Variants in MYL12B observed in about 807,000 individuals in gnomAD.
MYL12B encodes myosin regulatory light chain 12B.
In MYL12B, 3 loss-of-function variants were observed where a neutral mutation model predicts 12.9. The ratio of observed to expected loss-of-function variants is 0.23; its 90% CI spans 0.11 to 0.60. The LOEUF is 0.60. Among genes scored for constraint, MYL12B ranks in the 20% least tolerant of loss-of-function variants. The pLI, the probability that MYL12B is intolerant of heterozygous loss-of-function variation, is 0.89. For missense variants in MYL12B, 120 were observed against 215.4 expected (o/e 0.56, Z 2.77); for synonymous variants, 57 against 71.9 (o/e 0.79, Z 1.05).
chr18:3,270,006 A>G (rs1296964821), intron 1 of MYL12B, among the ~76,000 whole-genome samples: 1 of 152,196 alleles, frequency 6.6e-6, no homozygotes, highest in Non-Finnish European at 1.5e-5. Context: ...CAAAGAAAAG[A>G]GGGATAAAAT....
chr18:3,276,572 C>T, intron 2 of MYL12B: 1 of 985,062 alleles, frequency 1.0e-6, no homozygotes. Context: ...AAATAAGCTG[C>T]CAATTCAAAA....
At chr18:3,276,393 A>T (rs1174844825) in intron 2 of MYL12B, 1 of 983,320 alleles carries the variant, frequency 1.0e-6, no homozygotes, top group Non-Finnish European at 1.2e-6. Context: ...TTCCAGGGAG[A>T]TTTCTTTCAG....
At chr18:3,266,878 T>A (rs917856800) in intron 1 of MYL12B, among the ~76,000 whole-genome samples, 1 of 152,130 alleles carries the variant, frequency 6.6e-6, no homozygotes. Flanking sequence ...TAACACTTAT[T>A]TAATGGATGA....
intron 2 of MYL12B, among the ~76,000 whole-genome samples, chr18:3,273,990 G>GA (rs2081706664): frequency 6.6e-6 from 1 of 151,986 alleles, no homozygotes; most frequent in Non-Finnish European, 1.5e-5. Flanking sequence ...ATATGATTTT[G>GA]AAAACTTTTA....
intron 3 of MYL12B, 45 bp from the exon 4 acceptor site, chr18:3,277,720 C>A: frequency 1.3e-6 from 2 of 1,570,638 alleles, no homozygotes; most frequent in Non-Finnish European, 1.7e-6. Flanking sequence ...CATCAAAGTG[C>A]CAGGAAGTAT....
At chr18:3,276,759 G>A (rs1035839664) in intron 2 of MYL12B, among the ~76,000 whole-genome samples, 6 of 151,846 alleles carry the variant, frequency 4.0e-5, no homozygotes, top group Admixed American at 2.0e-4. Context: ...GATGTAGGCC[G>A]GGCGCGGTGA....
intron 1 of MYL12B, among the ~76,000 whole-genome samples, chr18:3,265,151 T>C (rs1272742004): frequency 6.6e-6 from 1 of 152,116 alleles, no homozygotes; most frequent in East Asian, 1.9e-4. Context: ...TGAGTTTGGC[T>C]CCCTAAAAAA....
intron 1 of MYL12B, among the ~76,000 whole-genome samples, chr18:3,269,983 G>A (rs1270404850): frequency 6.6e-6 from 1 of 152,224 alleles, no homozygotes; most frequent in Non-Finnish European, 1.5e-5. Flanking sequence ...CAGGCTAACA[G>A]TGGCTGTCTC....
intron 1 of MYL12B, chr18:3,272,154 A>G: frequency 1.0e-6 from 1 of 985,394 alleles, no homozygotes; most frequent in African/African-American, 1.7e-5. Context: ...TGATATTTAT[A>G]AAGATGAGAC....
chr18:3,263,173 T>C (rs2081608267), intron 1 of MYL12B: 1 of 152,160 alleles, frequency 6.6e-6, no homozygotes, highest in Non-Finnish European at 1.5e-5. Context: ...TCTTGAAAAC[T>C]TAGGAGAAAG....
chr18:3,273,318 AT>A (rs748577083), intron 2 of MYL12B, among the ~76,000 whole-genome samples: 2 of 152,078 alleles, frequency 1.3e-5, no homozygotes, highest in Non-Finnish European at 2.9e-5. Context: ...TGTTAGCTAA[AT>A]TTTTTAGGTC....
At chr18:3,270,354 A>G (rs1567990542) in intron 1 of MYL12B, among the ~76,000 whole-genome samples, 1 of 152,232 alleles carries the variant, frequency 6.6e-6, no homozygotes, top group Non-Finnish European at 1.5e-5. Context: ...GTATTACTAC[A>G]TTGAGCCTAT....
intron 1 of MYL12B, among the ~76,000 whole-genome samples, chr18:3,263,946 C>T (rs2081616502): frequency 1.3e-5 from 2 of 152,166 alleles, no homozygotes; most frequent in African/African-American, 4.8e-5. Flanking sequence ...CCCTGATTTT[C>T]GTATCTGAGA....
Position 3,262,187 on chromosome 18 carries a change from G to C in MYL12B, c.-66G>C, listed in dbSNP as rs1260114012. On this transcript the variant is annotated 5_prime_UTR_variant, in exon 1 of 4. Coordinates refer to ENST00000237500, the MANE Select transcript of MYL12B (RefSeq NM_033546.4). The stretch of plus-strand genomic sequence containing the variant: ...CGGCCACAGCCTAACGCTCTTCGCT[G>C]TCGTTTGTGGTCTCGCGCAGGGCGG... The C allele has an allele frequency of 6.6e-6, 1 of 152,170 alleles. No individual in the cohort carries two copies. The highest frequency in any genetic ancestry group is 1.5e-5 in the Non-Finnish European group (1 of 68,072). 9.4% of individuals were successfully genotyped at this position (152,170 alleles called of 1,614,324 possible).
intron 2 of MYL12B, among the ~76,000 whole-genome samples, chr18:3,276,761 G>A (rs1221222982): frequency 6.6e-6 from 1 of 152,032 alleles, no homozygotes; most frequent in African/African-American, 2.4e-5. Context: ...TGTAGGCCGG[G>A]CGCGGTGATG....
intron 2 of MYL12B, chr18:3,276,622 T>TA (rs755734914): frequency 3.0e-5 from 28 of 932,504 alleles, no homozygotes; most frequent in Non-Finnish European, 3.6e-5. Flanking sequence ...AACTTATAAA[T>TA]ACAACTTTGA....
At chr18:3,262,792 A>C (rs1471566250) in intron 1 of MYL12B, 2 of 152,406 alleles carry the variant, frequency 1.3e-5, no homozygotes, top group Admixed American at 1.3e-4. Context: ...CATGCCGGTA[A>C]CCGAGTGTGT....
chr18:3,276,285 G>A (rs1166850396), intron 2 of MYL12B: 2 of 220,886 alleles, frequency 9.1e-6, no homozygotes, highest in African/African-American at 4.7e-5. Context: ...ACAACCAGTG[G>A]TAGAACTGGG....
intron 1 of MYL12B, 31 bp downstream of exon 1, chr18:3,262,268 C>T (rs1267409050): frequency 2.0e-5 from 3 of 149,676 alleles, no homozygotes; most frequent in Admixed American, 6.7e-5. Context: ...CTCGCGAGAC[C>T]CCTCGGGCCG....
Sources: allele counts gnomAD v4.1 joint callset (sites outside exome capture counted in the v4.1 genomes callset), GRCh38; gene constraint gnomAD v4.1.1; transcripts MANE v1.5; gene names NCBI Gene and HGNC (gene_info 2026-07-23, HGNC 2026-07-21).